Variants in M1AP observed in about 807,000 individuals in gnomAD.
M1AP encodes meiosis 1 arrest protein.
M1AP carries 39 observed loss-of-function variants against 51.2 expected under a neutral mutation model. The observed-to-expected ratio is 0.76, with a 90% CI of 0.59 to 1.00. M1AP has a LOEUF of 1.00. Among genes scored for constraint, M1AP ranks in the 50% least tolerant of loss-of-function variants. The pLI is 0.00. For missense variants in M1AP, 545 were observed against 641.2 expected, an observed-to-expected ratio of 0.85 and a Z score of 1.62; for synonymous variants, 251 against 249.2, an observed-to-expected ratio of 1.01 and a Z score of -0.07.
At chr2:74,594,863 A>G (rs1255188380) in intron 4 of M1AP, among the ~76,000 whole-genome samples, 1 of 152,218 alleles carries the variant, frequency 6.6e-6, no homozygotes, top group Non-Finnish European at 1.5e-5. Context: ...TGAGTGACAC[A>G]GTGAGACCCT....
At chr2:74,582,744 G>T (rs1453792785) in intron 4 of M1AP, among the ~76,000 whole-genome samples, 7 of 152,096 alleles carry the variant, frequency 4.6e-5, no homozygotes, top group African/African-American at 1.4e-4. Context: ...TTCTAGGTGG[G>T]GCATGGTGGC....
intron 3 of M1AP, among the ~76,000 whole-genome samples, chr2:74,608,922 A>T (rs138850033): frequency 1.1e-4 from 16 of 152,250 alleles, no homozygotes; most frequent in African/African-American, 3.6e-4. Flanking sequence ...TCCATTTTTT[A>T]AAGTTTTATT....
At chr2:74,600,415 A>G (rs1322123594) in intron 4 of M1AP, among the ~76,000 whole-genome samples, 1 of 152,242 alleles carries the variant, frequency 6.6e-6, no homozygotes, top group Non-Finnish European at 1.5e-5. Flanking sequence ...AAACAAAGCT[A>G]GCAGCATTAT....
intron 5 of M1AP, among the ~76,000 whole-genome samples, chr2:74,577,117 G>C (rs977185946): frequency 5.9e-5 from 9 of 152,256 alleles, no homozygotes. Flanking sequence ...CAGGCAGTCA[G>C]ATGACTGCTA....
At chr2:74,561,236 A>C in intron 8 of M1AP, among the ~76,000 whole-genome samples, 1 of 136,006 alleles carries the variant, frequency 7.4e-6, no homozygotes, top group Non-Finnish European at 1.6e-5. Context: ...GAGGAGAAGG[A>C]GGAGGAGGAG....
intron 10 of M1AP, among the ~76,000 whole-genome samples, chr2:74,559,364 TG>T: frequency 6.6e-6 from 1 of 152,194 alleles, no homozygotes; most frequent in Non-Finnish European, 1.5e-5. Flanking sequence ...TTTGCCATGT[TG>T]CCCAGGCTGG....
rs1223472813 is a variant in M1AP, at chr2:74,632,849, TAAA to T, written c.240+7184_240+7186del. Among the ~76,000 whole-genome samples the T allele has an allele frequency of 3.3e-5, 5 of 152,222 alleles. No individual in the cohort carries two copies. The South Asian group carries it at 6.2e-4, about 19-fold the overall frequency. Reference sequence around the variant, plus strand: ...TGTCTGCCTTTTCTAGTGGAGTGATTAAAAGATTAAGGGATTCAACTAGGTCCA... The same window carrying T: ...TGTCTGCCTTTTCTAGTGGAGTGATTAGATTAAGGGATTCAACTAGGTCCA... On this transcript the variant is annotated intron_variant, in intron 2 of 10. Coordinates refer to ENST00000421985, the MANE Select transcript of M1AP (RefSeq NM_001321739.2).
chr2:74,575,774 T>C (rs1326656569), intron 6 of M1AP, among the ~76,000 whole-genome samples, 195 bp from the exon 7 acceptor site: 4 of 152,286 alleles, frequency 2.6e-5, no homozygotes, highest in Admixed American at 1.3e-4. Context: ...TTCAGGAACC[T>C]GTGCATGGGC....
intron 2 of M1AP, among the ~76,000 whole-genome samples, chr2:74,631,974 AATG>A (rs1483351703): frequency 2.6e-5 from 4 of 152,240 alleles, no homozygotes; most frequent in Non-Finnish European, 4.4e-5. Context: ...GGTCAGTGAC[AATG>A]GATTTAAGGT....
At chr2:74,596,231 T>C (rs1179681764) in intron 4 of M1AP, among the ~76,000 whole-genome samples, 1 of 152,106 alleles carries the variant, frequency 6.6e-6, no homozygotes, top group Non-Finnish European at 1.5e-5. Context: ...GAGAGAGACT[T>C]TAAGTATAAA....
intron 7 of M1AP, among the ~76,000 whole-genome samples, chr2:74,570,037 C>T (rs768745134): frequency 2.0e-5 from 3 of 151,846 alleles, no homozygotes; most frequent in Non-Finnish European, 2.9e-5. Context: ...TTTTGGTGTC[C>T]TTTGAATACA....
chr2:74,629,940 CTT>C (rs769023462), intron 2 of M1AP, among the ~76,000 whole-genome samples: 73 of 136,640 alleles, frequency 5.3e-4, no homozygotes, highest in Non-Finnish European at 4.3e-4. Flanking sequence ...AGATTCACAA[CTT>C]TTTTTTTTTT....
intron 2 of M1AP, among the ~76,000 whole-genome samples, chr2:74,617,777 T>C (rs1438453788): frequency 6.6e-6 from 1 of 152,248 alleles, no homozygotes; most frequent in East Asian, 1.9e-4. Flanking sequence ...AGCAATGTTC[T>C]ATATTTCTAT....
intron 8 of M1AP, among the ~76,000 whole-genome samples, chr2:74,561,359 G>A: frequency 6.6e-6 from 1 of 152,028 alleles, no homozygotes. Flanking sequence ...CCTATTTTGG[G>A]CACCTACATT....
chr2:74,630,942 C>T (rs1316002884), intron 2 of M1AP, among the ~76,000 whole-genome samples: 1 of 152,204 alleles, frequency 6.6e-6, no homozygotes, highest in Admixed American at 6.5e-5. Flanking sequence ...ATTAAAGTGC[C>T]ATTGTGCCAT....
chr2:74,606,870 C>G (rs1014677456), intron 4 of M1AP, among the ~76,000 whole-genome samples, 185 bp downstream of exon 4: 2 of 152,118 alleles, frequency 1.3e-5, no homozygotes, highest in East Asian at 3.9e-4. Context: ...TTGTAAAAGA[C>G]TGCTCATTAA....
At chr2:74,611,126 CTA>C (rs1380543245) in intron 3 of M1AP, among the ~76,000 whole-genome samples, 1 of 152,108 alleles carries the variant, frequency 6.6e-6, no homozygotes, top group East Asian at 1.9e-4. Flanking sequence ...AGATATTGGC[CTA>C]TAGTTTTCTT....
intron 1 of M1AP, among the ~76,000 whole-genome samples, chr2:74,645,743 A>G (rs1416740541): frequency 6.6e-6 from 1 of 152,240 alleles, no homozygotes; most frequent in Non-Finnish European, 1.5e-5. Flanking sequence ...CACACTGCCT[A>G]TGGGGTAGCC....
At chr2:74,591,325 G>T (rs1404775487) in intron 4 of M1AP, among the ~76,000 whole-genome samples, 3 of 152,186 alleles carry the variant, frequency 2.0e-5, no homozygotes, top group African/African-American at 7.2e-5. Context: ...AAAAGAGATT[G>T]ATCACTATTG....
Sources: allele counts gnomAD v4.1 joint callset (sites outside exome capture counted in the v4.1 genomes callset), GRCh38; gene constraint gnomAD v4.1.1; transcripts MANE v1.5; gene names NCBI Gene and HGNC (gene_info 2026-07-23, HGNC 2026-07-21).